Variants in CDH18 observed in about 807,000 individuals in gnomAD.
CDH18 encodes the protein cadherin-18.
Under a neutral mutation model 67.9 loss-of-function variants are expected in CDH18, and 31 were observed. The observed-to-expected ratio is 0.46, with a 90% CI of 0.34 to 0.62. CDH18 has a LOEUF of 0.62. Among genes scored for constraint, CDH18 ranks in the 20% least tolerant of loss-of-function variants. The pLI is 0.01. For missense variants in CDH18, 890 were observed against 975.5 expected, an observed-to-expected ratio of 0.91 and a Z score of 1.17; for synonymous variants, 362 against 347.2, an observed-to-expected ratio of 1.04 and a Z score of -0.48.
intron 7 of CDH18, among the ~76,000 whole-genome samples, chr5:19,574,001 C>A (rs1391108063): frequency 6.6e-6 from 1 of 152,200 alleles, no homozygotes; most frequent in Non-Finnish European, 1.5e-5. Flanking sequence ...CTTAACATTT[C>A]TTTCTCACAA....
chr5:20,050,880 T>C (rs938826084), intron 2 of CDH18, among the ~76,000 whole-genome samples: 3 of 151,868 alleles, frequency 2.0e-5, no homozygotes, highest in Admixed American at 6.6e-5. Context: ...CTTTTTCTTT[T>C]TTTGATAGAA....
chr5:20,522,972 C>A (rs1212532997), intron 1 of CDH18, among the ~76,000 whole-genome samples: 1 of 152,072 alleles, frequency 6.6e-6, no homozygotes, highest in African/African-American at 2.4e-5. Context: ...ATTTTACTTT[C>A]TTTGAAGTAG....
intron 1 of CDH18, among the ~76,000 whole-genome samples, chr5:20,386,256 C>A (rs1744303217): frequency 6.6e-6 from 1 of 152,098 alleles, no homozygotes; most frequent in Non-Finnish European, 1.5e-5. Context: ...GCCATGCTGT[C>A]CGTTTAAGCA....
At chr5:19,495,537 T>C (rs1260537837) in intron 11 of CDH18, among the ~76,000 whole-genome samples, 1 of 151,282 alleles carries the variant, frequency 6.6e-6, no homozygotes, top group Non-Finnish European at 1.5e-5. Context: ...GGTCGGGAGA[T>C]TGAGACCAGC....
chr5:19,584,952 A>ACT (rs1441516904), intron 7 of CDH18, among the ~76,000 whole-genome samples: 1 of 151,256 alleles, frequency 6.6e-6, no homozygotes, highest in East Asian at 2.0e-4. Flanking sequence ...TCAAGATCGC[A>ACT]CCACTGCACT....
rs1366925451 is a variant in CDH18 at position 20,122,763 on chromosome 5, C to T, written c.-517-130749G>A. Reference sequence around the variant, plus strand: ...TTGACTATTTTAAAAGCAGATTAAGCCTTGTGAAAATATCAAGACATTTTT... The same window carrying T: ...TTGACTATTTTAAAAGCAGATTAAGTCTTGTGAAAATATCAAGACATTTTT... On this transcript the variant is annotated intron_variant, in intron 2 of 14. Coordinates refer to the CDH18 transcript ENST00000507958. Among the ~76,000 whole-genome samples, 6 of 148,916 alleles carry T rather than the reference C, an allele frequency of 4.0e-5. No individual in the cohort carries two copies. In the East Asian group the frequency reaches 1.2e-3, roughly 29 times the overall value.
At chr5:20,047,951 T>A (rs80252261) in intron 2 of CDH18, among the ~76,000 whole-genome samples, 1,741 of 151,896 alleles carry the variant, frequency 0.011, 39 homozygotes, top group African/African-American at 0.04. Context: ...TCACTTTCAG[T>A]ATTGAGTGAC....
chr5:20,200,437 G>T (rs1374503399), intron 2 of CDH18, among the ~76,000 whole-genome samples: 2 of 152,180 alleles, frequency 1.3e-5, no homozygotes, highest in Non-Finnish European at 2.9e-5. Context: ...ACTTTGGGAA[G>T]TCAAGGCAGG....
At chr5:20,022,686 A>G (rs1233975969) in intron 2 of CDH18, among the ~76,000 whole-genome samples, 1 of 152,196 alleles carries the variant, frequency 6.6e-6, no homozygotes. Flanking sequence ...TTAAAAGACA[A>G]AAGTTAAGAA....
intron 2 of CDH18, among the ~76,000 whole-genome samples, chr5:20,219,168 C>A (rs1741019016): frequency 6.6e-6 from 1 of 151,692 alleles, no homozygotes; most frequent in Non-Finnish European, 1.5e-5. Flanking sequence ...GACATTACAA[C>A]CAATAATGTT....
At chr5:19,513,513 A>T (rs1745447434) in intron 10 of CDH18, among the ~76,000 whole-genome samples, 1 of 152,124 alleles carries the variant, frequency 6.6e-6, no homozygotes, top group South Asian at 2.1e-4. Flanking sequence ...CTTTTCAAAT[A>T]ACTAAGCTGT....
At chr5:19,899,883 T>C (rs1167736062) in intron 2 of CDH18, among the ~76,000 whole-genome samples, 3 of 152,056 alleles carry the variant, frequency 2.0e-5, no homozygotes, top group African/African-American at 7.2e-5. Context: ...GTATCTGTGA[T>C]TGTCAAGCTC....
At chr5:19,979,609 TGA>T (rs1471261802) in intron 2 of CDH18, among the ~76,000 whole-genome samples, 1 of 152,146 alleles carries the variant, frequency 6.6e-6, no homozygotes, top group Non-Finnish European at 1.5e-5. Flanking sequence ...TAGTACTAAA[TGA>T]GAGTTTATGC....
chr5:20,066,715 A>G (rs1284307856), intron 2 of CDH18, among the ~76,000 whole-genome samples: 1 of 152,050 alleles, frequency 6.6e-6, no homozygotes, highest in Non-Finnish European at 1.5e-5. Context: ...AGGTATATAG[A>G]CTTAAGCCTG....
At chr5:20,043,722 T>C (rs1408266303) in intron 2 of CDH18, among the ~76,000 whole-genome samples, 1 of 152,216 alleles carries the variant, frequency 6.6e-6, no homozygotes, top group Non-Finnish European at 1.5e-5. Context: ...TCTTGGATTC[T>C]GTGACTTGGA....
chr5:20,479,678 A>G (rs912782567), intron 1 of CDH18, among the ~76,000 whole-genome samples: 15 of 152,274 alleles, frequency 9.9e-5, no homozygotes, highest in Non-Finnish European at 1.9e-4. Flanking sequence ...TATTGGCCTT[A>G]TTGGCCTGAT....
At chr5:20,418,788 G>A (rs2150155439) in intron 1 of CDH18, among the ~76,000 whole-genome samples, 1 of 152,144 alleles carries the variant, frequency 6.6e-6, no homozygotes, top group African/African-American at 2.4e-5. Context: ...GAATGTTTGT[G>A]TCACCCCAAA....
intron 7 of CDH18, among the ~76,000 whole-genome samples, chr5:19,585,382 A>G (rs941270492): frequency 7.2e-5 from 11 of 152,120 alleles, no homozygotes; most frequent in African/African-American, 2.4e-4. Context: ...AAACAATAGG[A>G]CTTAATACAC....
chr5:19,817,298 G>A (rs940845085), intron 3 of CDH18, among the ~76,000 whole-genome samples: 1 of 151,954 alleles, frequency 6.6e-6, no homozygotes, highest in African/African-American at 2.4e-5. Context: ...CAACATCTAT[G>A]GAGGAGGCTC....
Sources: gnomAD v4.1 joint callset for allele counts (sites outside exome capture counted in the v4.1 genomes callset) on GRCh38, gnomAD v4.1.1 for gene constraint, MANE v1.5 for transcripts, NCBI Gene and HGNC (gene_info 2026-07-23, HGNC 2026-07-21) for gene names.